The following NAA11 variants were observed in gnomAD, a reference collection of about 807,000 sequenced individuals.
NAA11 encodes the protein N-alpha-acetyltransferase 11, NatA catalytic subunit, also known as N-alpha-acetyltransferase 11.
A neutral mutation model predicts 16.1 loss-of-function variants in NAA11; 15 were observed. The observed-to-expected ratio is 0.93, with a 90% CI of 0.62 to 1.44. NAA11 has a LOEUF of 1.44. Ranked by LOEUF, NAA11 falls within the 40% of genes most tolerant of loss-of-function variation. NAA11 has a pLI of 0.00. For synonymous variants in NAA11, 122 were observed against 112.4 expected, an observed-to-expected ratio of 1.09 and a Z score of -0.54; for missense variants, 298 against 291.3, an observed-to-expected ratio of 1.02 and a Z score of -0.17.
chr4:79,208,238 T>G, the NAA11 span, among the ~76,000 whole-genome samples: 1 of 152,140 alleles, frequency 6.6e-6, no homozygotes, highest in East Asian at 1.9e-4. Context: ...CAGAAAGGCA[T>G]TTAAACTCTA....
At chr4:79,322,719 T>C (rs556507378) in intron 1 of NAA11, among the ~76,000 whole-genome samples, 21 of 152,288 alleles carry the variant, frequency 1.4e-4, no homozygotes, top group African/African-American at 4.8e-4. Flanking sequence ...AGGTGTAAAT[T>C]TGACAACGCT....
At chr4:79,265,415 T>G (rs1722322844) in intron 2 of NAA11, among the ~76,000 whole-genome samples, 2 of 152,166 alleles carry the variant, frequency 1.3e-5, no homozygotes. Flanking sequence ...CTGCTGATAC[T>G]CCTCTCACTG....
chr4:79,209,631 A>C, the NAA11 span, among the ~76,000 whole-genome samples: 1 of 152,166 alleles, frequency 6.6e-6, no homozygotes, highest in African/African-American at 2.4e-5. Flanking sequence ...GTAGGAAAAA[A>C]AGGATTTTTT....
At chr4:79,266,071 T>C (rs1283725182) in intron 2 of NAA11, among the ~76,000 whole-genome samples, 1 of 152,150 alleles carries the variant, frequency 6.6e-6, no homozygotes, top group African/African-American at 2.4e-5. Context: ...TATGCCACTG[T>C]ACACATAACT....
At chr4:79,252,908 G>T (rs1471747061) in intron 2 of NAA11, among the ~76,000 whole-genome samples, 1 of 152,164 alleles carries the variant, frequency 6.6e-6, no homozygotes, top group Admixed American at 6.5e-5. Context: ...CTTTCAAAAA[G>T]TGTATATCAA....
Position 79,242,150 on chromosome 4 carries a change from G to A in NAA11, c.*123-15880C>T, listed in dbSNP as rs58384464. On this transcript the variant is annotated intron_variant and NMD_transcript_variant, in intron 2 of 2. Coordinates refer to the NAA11 transcript ENST00000511542. ...GTGGTAATTCTGTGGATGGCTTCCTGTCAAGTTCCATTCATACCGCCATGA... is the reference window on the plus strand; with the variant it reads ...GTGGTAATTCTGTGGATGGCTTCCTATCAAGTTCCATTCATACCGCCATGA... Among the ~76,000 whole-genome samples, 698 of 152,260 alleles carry A rather than the reference G, an allele frequency of 4.6e-3. 7 individuals carry two copies. Among genetic ancestry groups the A allele is most frequent in the African/African-American group, 0.015 (643 of 41,532 alleles).
Position 79,325,601 on chromosome 4 carries a change from G to C in NAA11, c.277C>G (p.Gln93Glu), listed in dbSNP as rs779332754. The C allele has an allele frequency of 6.2e-6, 10 of 1,614,072 alleles. No individual in the cohort carries two copies. Among genetic ancestry groups the C allele is most frequent in the Non-Finnish European group, 8.5e-6 (10 of 1,179,944 alleles). ...RLGLAQKLMDQASRAMIENFN... is the reference protein window; with the variant it reads ...RLGLAQKLMDEASRAMIENFN... The stretch of plus-strand genomic sequence containing the variant: ...TTCTCTATCATGGCCCTGGAGGCCT[G>C]GTCCATCAGCTTCTGGGCCAGGCCG... The change falls in exon 1 of 2, where the codon CAG (glutamine) becomes GAG (glutamate). Residue 93 changes from glutamine (Q) to glutamate (E), a missense_variant. Physicochemically the swap from Gln to Glu is conservative, Grantham distance 29. Transcript: ENST00000286794.
At chr4:79,221,263 G>A (rs1303211693), downstream of NAA11, among the ~76,000 whole-genome samples, 2 of 151,942 alleles carry the variant, frequency 1.3e-5, no homozygotes, top group African/African-American at 4.8e-5. Context: ...ATCAGCTTAA[G>A]GAGATTTGGG....
At chr4:79,241,162 C>T (rs887428708) in intron 2 of NAA11, among the ~76,000 whole-genome samples, 21 of 152,288 alleles carry the variant, frequency 1.4e-4, no homozygotes, top group Admixed American at 2.6e-4. Context: ...ATTCCTCCTC[C>T]TCAGCCTACT....
the NAA11 span, among the ~76,000 whole-genome samples, chr4:79,206,473 T>C: frequency 6.6e-6 from 1 of 152,146 alleles, no homozygotes; most frequent in Admixed American, 6.6e-5. Context: ...CTAGCCGTAA[T>C]AGAGAAATCA....
the NAA11 span, among the ~76,000 whole-genome samples, chr4:79,206,560 A>G: frequency 7.2e-5 from 11 of 152,230 alleles, no homozygotes; most frequent in African/African-American, 1.9e-4. Flanking sequence ...CCAAATAAGC[A>G]TTAGGTCATA....
In NAA11 at chr4:79,317,461, C is replaced by A. The variant is rs1336388853; in HGVS notation, c.*343G>T. On this transcript the variant is annotated 3_prime_UTR_variant, in exon 2 of 2. Transcript: ENST00000286794. ...TCAAGAGTTTGCCCTGCTTCCTGTT[C>A]ATCATTCTAAAAGGAGAAAAACTTG... is the stretch of plus-strand genomic sequence containing the variant. 1 of 152,174 alleles carries A rather than the reference C, an allele frequency of 6.6e-6. No individual in the cohort carries two copies. The highest frequency in any genetic ancestry group is 1.5e-5 in the Non-Finnish European group (1 of 68,078). The allele number at this position is 152,174 out of a possible 1,614,324, so 9.4% of individuals were successfully genotyped here. A position where few individuals can be genotyped will look rare whatever the true frequency, so the allele number is the denominator to read the frequency against.
intron 2 of NAA11, among the ~76,000 whole-genome samples, chr4:79,250,597 A>G (rs1457805813): frequency 6.6e-6 from 1 of 152,244 alleles, no homozygotes; most frequent in Non-Finnish European, 1.5e-5. Flanking sequence ...GAAGACGCCA[A>G]AAGCAATTAC....
At chr4:79,195,133 G>A in the NAA11 span, among the ~76,000 whole-genome samples, 2 of 152,086 alleles carry the variant, frequency 1.3e-5, no homozygotes, top group Non-Finnish European at 2.9e-5. Flanking sequence ...CTATGTTTTT[G>A]GTGAGAGATG....
chr4:79,182,886 T>C, the NAA11 span, among the ~76,000 whole-genome samples: 1 of 152,140 alleles, frequency 6.6e-6, no homozygotes, highest in Non-Finnish European at 1.5e-5. Flanking sequence ...AATCAATCAT[T>C]TAACAATTAT....
chr4:79,291,199 C>T (rs1010471092), intron 2 of NAA11, among the ~76,000 whole-genome samples: 3 of 152,070 alleles, frequency 2.0e-5, no homozygotes, highest in African/African-American at 4.8e-5. Context: ...CAGTGGTTTA[C>T]GCCTATAATC....
chr4:79,245,879 G>C (rs1216031924), intron 2 of NAA11, among the ~76,000 whole-genome samples: 1 of 152,244 alleles, frequency 6.6e-6, no homozygotes, highest in Non-Finnish European at 1.5e-5. Flanking sequence ...TCTGGGAGGT[G>C]TACCCAACAG....
the NAA11 span, among the ~76,000 whole-genome samples, chr4:79,173,204 G>A: frequency 6.6e-6 from 1 of 152,170 alleles, no homozygotes; most frequent in East Asian, 1.9e-4. Flanking sequence ...AAAGGTGAAA[G>A]GTTGTGGGGA....
At chr4:79,278,675 T>C (rs1341402491) in intron 2 of NAA11, among the ~76,000 whole-genome samples, 2 of 152,138 alleles carry the variant, frequency 1.3e-5, no homozygotes, top group African/African-American at 4.8e-5. Flanking sequence ...ACATATCATA[T>C]TACATTATAT....
Sources: gnomAD v4.1 joint callset for allele counts (sites outside exome capture counted in the v4.1 genomes callset) on GRCh38, gnomAD v4.1.1 for gene constraint, MANE v1.5 for transcripts, NCBI Gene and HGNC (gene_info 2026-07-23, HGNC 2026-07-21) for gene names.